Variants in ATAD3C observed in about 807,000 individuals in gnomAD.
ATAD3C encodes ATPase family AAA domain containing 3C, also known as ATPase family AAA domain-containing protein 3C.
In ATAD3C, 38 loss-of-function variants were observed where a neutral mutation model predicts 46.3. The observed-to-expected ratio is 0.82, with a 90% CI of 0.63 to 1.08. ATAD3C has a LOEUF of 1.08. ATAD3C is among the 50% of genes least tolerant of loss of function. The pLI, the probability that ATAD3C is intolerant of heterozygous loss-of-function variation, is 0.00. For synonymous variants in ATAD3C, 220 were observed against 236.4 expected, an observed-to-expected ratio of 0.93 and a Z score of 0.63; for missense variants, 563 against 572.7, an observed-to-expected ratio of 0.98 and a Z score of 0.17.
intron 1 of ATAD3C, among the ~76,000 whole-genome samples, chr1:1,451,326 G>A (rs763972360): frequency 7.9e-5 from 12 of 151,128 alleles, no homozygotes; most frequent in Non-Finnish European, 1.6e-4. Flanking sequence ...GTGAGCCACC[G>A]CGTCCAGCTC....
At chr1:1,463,511 C>T (rs748062460) in intron 11 of ATAD3C, among the ~76,000 whole-genome samples, 3 of 151,992 alleles carry the variant, frequency 2.0e-5, no homozygotes, top group Non-Finnish European at 2.9e-5. Flanking sequence ...CTGGGTTATG[C>T]CGCTGTGACA....
intron 11 of ATAD3C, among the ~76,000 whole-genome samples, chr1:1,467,644 C>G (rs184304312): frequency 6.6e-6 from 1 of 152,140 alleles, no homozygotes; most frequent in East Asian, 1.9e-4. Flanking sequence ...CTCAGCTGTC[C>G]GGGAAGGGTC....
Position 1,468,611 on chromosome 1 carries a change from A to G in ATAD3C, c.*81A>G. On this transcript the variant is annotated 3_prime_UTR_variant, in exon 12 of 12. Coordinates refer to ENST00000378785, the MANE Select transcript of ATAD3C (RefSeq NM_001039211.3). ...CCTTTGCGGCCCCGCACATTTAGGA[A>G]ATACTCCCCGTAATAAAGTCCCACG... is the stretch of plus-strand genomic sequence containing the variant. 2 of 1,587,480 alleles carry G rather than the reference A, an allele frequency of 1.3e-6. No homozygotes were observed. Among genetic ancestry groups the G allele is most frequent in the Non-Finnish European group, 1.7e-6 (2 of 1,163,610 alleles).
rs1639088561 is a variant in ATAD3C at position 1,462,673 on chromosome 1, T to C, written c.1054T>C (p.Cys352Arg). 3 of 1,606,642 alleles carry C rather than the reference T, an allele frequency of 1.9e-6. No individual in the cohort carries two copies. The highest frequency in any genetic ancestry group is 2.5e-6 in the Non-Finnish European group (3 of 1,177,056). ...CGCTCGGCTGACAGAGGGCATGTCATGCCGGAAGATCGCACAGCTGGCCGT... is the reference window on the plus strand; with the variant it reads ...CGCTCGGCTGACAGAGGGCATGTCACGCCGGAAGATCGCACAGCTGGCCGT... ...EIARLTEGMS[C>R]RKIAQLAVSW... is the part of the protein sequence containing the mutation. The change falls in exon 11 of 12, where the codon TGC becomes CGC. Residue 352 changes from cysteine to arginine, a missense_variant. Coordinates refer to ENST00000378785, the MANE Select transcript of ATAD3C (RefSeq NM_001039211.3). The surrounding 1 kb of genome is among the most constrained non-coding windows in gnomAD (Gnocchi z 4.5).
At chr1:1,451,133 C>T (rs540567214) in intron 1 of ATAD3C, among the ~76,000 whole-genome samples, 8 of 151,114 alleles carry the variant, frequency 5.3e-5, no homozygotes, top group East Asian at 2.0e-4. Context: ...CTCCACCTCC[C>T]GGGTTCACAC....
rs1316956182 is a variant in ATAD3C at position 1,459,709 on chromosome 1, A to AC, written c.812+481dup. On this transcript the variant is annotated intron_variant, in intron 9 of 11. Coordinates refer to ENST00000378785, the MANE Select transcript of ATAD3C (RefSeq NM_001039211.3). This position sits in a 1 kb window ranked among gnomAD's most constrained non-coding sequence, Gnocchi z 4.9. ...CCGCCCGGATGCTGGCCAAGGGTGC[A>AC]CCCTCCAGGCTTGGGGCCCACCCGA... Among the ~76,000 whole-genome samples, 2 of 151,538 alleles carry AC rather than the reference A, an allele frequency of 1.3e-5. No homozygotes were observed. The highest frequency in any genetic ancestry group is 4.9e-5 in the African/African-American group (2 of 41,180).
In ATAD3C at chr1:1,462,843, A is replaced by G; in HGVS notation, c.1089+135A>G. 1.7e-6 allele frequency: 2 copies of G among 1,149,506 alleles called. No individual in the cohort carries two copies. Among genetic ancestry groups the G allele is most frequent in the Non-Finnish European group, 1.2e-6 (1 of 820,416 alleles). The allele number at this position is 1,149,506 out of a possible 1,614,324, so 71.2% of individuals were successfully genotyped here. ...GGGGTTTTCAGTGCACAGATGTGAC[A>G]CGGGGCCCCTGCCCCAGTTGGGCCA... On this transcript the variant is annotated intron_variant, in intron 11 of 11. Coordinates refer to ENST00000378785, the MANE Select transcript of ATAD3C (RefSeq NM_001039211.3). The surrounding 1 kb of genome is among the most constrained non-coding windows in gnomAD (Gnocchi z 4.5).
intron 2 of ATAD3C, 96 bp downstream of exon 2, chr1:1,452,218 C>T (rs1407328662): frequency 1.4e-5 from 22 of 1,578,490 alleles, no homozygotes; most frequent in Admixed American, 9.0e-5. Context: ...CAGGTCTGGC[C>T]GCTGTAGGCT....
At chr1:1,450,869 A>C in intron 1 of ATAD3C, 111 bp downstream of exon 1, 2 of 1,500,976 alleles carry the variant, frequency 1.3e-6, no homozygotes, top group Non-Finnish European at 1.8e-6. Context: ...CATGGGCAGC[A>C]GTGGGGCCCA....
chr1:1,455,772 C>A lies in ATAD3C; in HGVS notation c.439-19C>A. The A allele has an allele frequency of 6.2e-7, 1 of 1,612,924 alleles. No homozygotes were observed. Among genetic ancestry groups the A allele is most frequent in the Non-Finnish European group, 8.5e-7 (1 of 1,179,508 alleles). ...GTGGGTGCAGACTGTGTCCTCCAAG[C>A]CCCTGTCTTCCTCGGCAGCCCAGCC... On this transcript the variant is annotated intron_variant, in intron 5 of 11. Transcript: ENST00000378785.
intron 11 of ATAD3C, among the ~76,000 whole-genome samples, chr1:1,466,837 T>C (rs1253150608): frequency 1.3e-5 from 2 of 151,288 alleles, no homozygotes; most frequent in East Asian, 1.9e-4. Context: ...ATTTTTCTTG[T>C]GGTGTCTTTG....
chr1:1,467,756 G>A (rs777511053), intron 11 of ATAD3C, among the ~76,000 whole-genome samples: 2 of 152,066 alleles, frequency 1.3e-5, no homozygotes, highest in Non-Finnish European at 2.9e-5. Flanking sequence ...CCTCCCCTTG[G>A]GGACTCCATG....
intron 10 of ATAD3C, among the ~76,000 whole-genome samples, chr1:1,461,173 A>G (rs1009469702): frequency 1.3e-5 from 2 of 150,262 alleles, no homozygotes; most frequent in Non-Finnish European, 2.9e-5. Context: ...ACAGTCCACT[A>G]TCACTTACAA....
Position 1,468,402 on chromosome 1 carries a change from A to T in ATAD3C, c.1108A>T (p.Lys370Ter). ...CCACTAGGCCACGGCGTATGCCTCC[A>T]AGGACGGGGTCCTGACCGAGGCCAT... ...VSWQATAYAS[K>*]DGVLTEAMMD... The change falls in exon 12 of 12, where the codon AAG (lysine) becomes TAG (stop). Residue 370 changes from lysine to a stop codon, truncating the protein, a stop_gained. Coordinates refer to ENST00000378785, the MANE Select transcript of ATAD3C (RefSeq NM_001039211.3). LOFTEE classifies it low-confidence loss of function (END_TRUNC). 1.2e-6 allele frequency: 2 copies of T among 1,611,690 alleles called. No individual in the cohort carries two copies. The highest frequency in any genetic ancestry group is 1.7e-6 in the Non-Finnish European group (2 of 1,179,008).
rs1557780446 is a variant in ATAD3C, at chr1:1,461,620, G to GGC, written c.980+703_980+704insGC. Among the ~76,000 whole-genome samples the GGC allele has an allele frequency of 2.7e-3, 412 of 150,792 alleles. 14 individuals carry two copies. The highest frequency in any genetic ancestry group is 9.7e-3 in the African/African-American group (396 of 40,790). On this transcript the variant is annotated intron_variant, in intron 10 of 11. Transcript: ENST00000378785. ...CCCCCATGTCGGAATTCGAAGGAGA[G>GGC]TCTCCTCATGAGACCCCCATGTAGG...
chr1:1,463,411 A>G (rs912520099), intron 11 of ATAD3C, among the ~76,000 whole-genome samples: 4 of 152,102 alleles, frequency 2.6e-5, no homozygotes, highest in Non-Finnish European at 5.9e-5. Flanking sequence ...CTAGCAGCAC[A>G]TTATGTGTGA....
At chr1:1,454,535 G>A in intron 4 of ATAD3C, 35 bp downstream of exon 4, 1 of 1,588,718 alleles carries the variant, frequency 6.3e-7, no homozygotes, top group South Asian at 1.1e-5. Context: ...CTGAGTGCAA[G>A]TGCCTGGCTG....
intron 4 of ATAD3C, 115 bp downstream of exon 4, chr1:1,454,615 C>T: frequency 2.1e-6 from 3 of 1,451,658 alleles, no homozygotes; most frequent in Non-Finnish European, 2.7e-6. Context: ...GGATAACAGG[C>T]ACCCGCACGC....
In ATAD3C at chr1:1,466,242, C is replaced by CAA. The variant is rs1168198351; in HGVS notation, c.1090-2121_1090-2120dup. Among the ~76,000 whole-genome samples, 175 of 66,980 alleles carry CAA rather than the reference C, an allele frequency of 2.6e-3. 2 individuals are homozygous for CAA. The Middle Eastern group carries it at 0.03, about 11-fold the overall frequency. 43.9% of individuals were successfully genotyped at this position (66,980 alleles called of 152,430 possible). ...GGGCAAGAAGAGCAAACTTCTGTCT[C>CAA]AAAAAAAAAAAAAAAAAAAAAATGG... is the stretch of plus-strand genomic sequence containing the variant. On this transcript the variant is annotated intron_variant, in intron 11 of 11. Transcript: ENST00000378785.
Sources: gnomAD v4.1 joint callset for allele counts (sites outside exome capture counted in the v4.1 genomes callset) on GRCh38, gnomAD v4.1.1 for gene constraint, Gnocchi (gnomAD v3.1) non-coding constraint, MANE v1.5 for transcripts, NCBI Gene and HGNC (gene_info 2026-07-23, HGNC 2026-07-21) for gene names.